The following PTK6 variants were observed in gnomAD, a reference collection of about 807,000 sequenced individuals.
PTK6 encodes protein tyrosine kinase 6, also known as protein-tyrosine kinase 6.
PTK6 carries 47 observed loss-of-function variants against 47.5 expected under a neutral mutation model. That is an observed-to-expected ratio of 0.99 (90% CI 0.78 to 1.26). PTK6 has a LOEUF of 1.26. Ranked by LOEUF, PTK6 falls within the 50% of genes most tolerant of loss-of-function variation. The pLI is 0.00. For synonymous variants in PTK6, 287 were observed against 276.5 expected (o/e 1.04, Z -0.38); for missense variants, 618 against 625.3 (o/e 0.99, Z 0.12).
In PTK6 at chr20:63,530,225, C is replaced by A; in HGVS notation, c.1021G>T (p.Val341Phe). The A allele has an allele frequency of 6.2e-7, 1 of 1,613,870 alleles. No individual in the cohort carries two copies. Residue 341 changes from valine (V) to phenylalanine (F), a missense_variant, in exon 7 of 8, where the codon GTC becomes TTC. Val to Phe is a conservative substitution (Grantham distance 50). Transcript: ENST00000542869. This position sits in a 1 kb window ranked among gnomAD's most constrained non-coding sequence, Gnocchi z 4.1. ...ATATTGTGGTCATGGGAGAGGTAGA[C>A]GTCCTCCTGCAATCAGCCTGGAGCT... is the stretch of plus-strand genomic sequence containing the variant. ...FGLARLIKEDVYLSHDHNIPY... is the reference protein window; with the variant it reads ...FGLARLIKEDFYLSHDHNIPY...
At chr20:63,531,399 C>T (rs1345212430) in intron 5 of PTK6, among the ~76,000 whole-genome samples, 21 of 122,462 alleles carry the variant, frequency 1.7e-4, no homozygotes, top group African/African-American at 6.0e-4. Flanking sequence ...CCAGCCTGGG[C>T]GACAGAGCCA....
Position 63,530,260 on chromosome 20 carries a change from G to C in PTK6, c.1015-29C>G. On this transcript the variant is annotated intron_variant, in intron 6 of 7. Coordinates refer to ENST00000542869, the MANE Select transcript of PTK6 (RefSeq NM_005975.4). This position sits in a 1 kb window ranked among gnomAD's most constrained non-coding sequence, Gnocchi z 4.1. Reference sequence around the variant, plus strand: ...CAATCAGCCTGGAGCTGAGTGGGCCGTGGGGGCTGCCTGTGCCCTGCCCCC... The same window carrying C: ...CAATCAGCCTGGAGCTGAGTGGGCCCTGGGGGCTGCCTGTGCCCTGCCCCC... 6.2e-7 allele frequency: 1 copy of C among 1,609,860 alleles called. No individual in the cohort carries two copies.
intron 4 of PTK6, 28 bp from the exon 5 acceptor site, chr20:63,532,715 G>A (rs759663982): frequency 6.2e-7 from 1 of 1,607,528 alleles, no homozygotes; most frequent in South Asian, 1.1e-5. Flanking sequence ...CTCGGTGGAT[G>A]CAGCCCCTGA....
chr20:63,534,842 T>C (rs310641), intron 2 of PTK6, 96 bp downstream of exon 2: 55,336 of 1,450,964 alleles, frequency 0.038, 4,402 homozygotes, highest in African/African-American at 0.33. Flanking sequence ...ATGTCCCCCG[T>C]CTCAGCCAGA....
intron 5 of PTK6, among the ~76,000 whole-genome samples, chr20:63,532,297 G>A (rs991821591): frequency 8.0e-6 from 1 of 124,600 alleles, no homozygotes; most frequent in Non-Finnish European, 1.5e-5. Context: ...GATGTGTCTT[G>A]TGTGTGTGTC....
intron 5 of PTK6, 113 bp downstream of exon 5, chr20:63,532,413 G>T (rs2082631879): frequency 1.5e-6 from 2 of 1,342,110 alleles, no homozygotes; most frequent in Non-Finnish European, 2.0e-6. Context: ...GTGTGTGTCT[G>T]TGTGTCTGTG....
At chr20:63,534,412 C>T in intron 2 of PTK6, 97 bp from the exon 3 acceptor site, 1 of 1,419,184 alleles carries the variant, frequency 7.0e-7, no homozygotes. Flanking sequence ...TTTCTGGGTC[C>T]CCACAGTTGC....
Position 63,530,067 on chromosome 20 carries a change from G to A in PTK6, c.1168+11C>T. ...CCTCTCATGCCCAGTCAGGGACAGT[G>A]GGGACAGTACCTGGGTAGGGCACCT... is the stretch of plus-strand genomic sequence containing the variant. On this transcript the variant is annotated intron_variant, in intron 7 of 7. Coordinates refer to ENST00000542869, the MANE Select transcript of PTK6 (RefSeq NM_005975.4). This position sits in a 1 kb window ranked among gnomAD's most constrained non-coding sequence, Gnocchi z 4.1. The A allele has an allele frequency of 6.2e-7, 1 of 1,613,266 alleles. No individual in the cohort carries two copies. The highest frequency in any genetic ancestry group is 8.5e-7 in the Non-Finnish European group (1 of 1,179,772).
chr20:63,531,834 C>A (rs2082624042), intron 5 of PTK6, among the ~76,000 whole-genome samples: 1 of 144,840 alleles, frequency 6.9e-6, no homozygotes. Context: ...TCCCGGAGGA[C>A]CCTGAAGGGC....
intron 5 of PTK6, 115 bp downstream of exon 5, chr20:63,532,407 GTGTC>G (rs1460943328): frequency 2.7e-5 from 35 of 1,276,852 alleles, no homozygotes; most frequent in East Asian, 4.7e-5. Flanking sequence ...GTGCATGTGT[GTGTC>G]TGTGTGTCTG....
In PTK6 at chr20:63,530,056, T is replaced by A; in HGVS notation, c.1168+22A>T. 1.2e-6 allele frequency: 2 copies of A among 1,612,584 alleles called. No individual in the cohort carries two copies. The highest frequency in any genetic ancestry group is 1.7e-6 in the Non-Finnish European group (2 of 1,179,460). ...CCCCCACTCTGCCTCTCATGCCCAGTCAGGGACAGTGGGGACAGTACCTGG... is the reference window on the plus strand; with the variant it reads ...CCCCCACTCTGCCTCTCATGCCCAGACAGGGACAGTGGGGACAGTACCTGG... On this transcript the variant is annotated intron_variant, in intron 7 of 7. Transcript: ENST00000542869. This position sits in a 1 kb window ranked among gnomAD's most constrained non-coding sequence, Gnocchi z 4.1.
chr20:63,535,082 C>A, intron 1 of PTK6, 23 bp from the exon 2 acceptor site: 1 of 1,579,738 alleles, frequency 6.3e-7, no homozygotes, highest in Non-Finnish European at 8.6e-7. Context: ...AGTCTGAGAA[C>A]ACGCGGACCT....
rs562656717 is a variant in PTK6 at position 63,528,053 on chromosome 20, T to G, written c.*1483A>C. The stretch of plus-strand genomic sequence containing the variant: ...TCGTGACACGGTTGGCAAGGAAACT[T>G]GGTTATTTCTGTGGCATGCAGCATT... On this transcript the variant is annotated 3_prime_UTR_variant, in exon 8 of 8. Coordinates refer to ENST00000542869, the MANE Select transcript of PTK6 (RefSeq NM_005975.4). The G allele has an allele frequency of 7.9e-4, 121 of 152,380 alleles. No homozygotes were observed. The highest frequency in any genetic ancestry group is 2.7e-3 in the African/African-American group (112 of 41,590). The allele number at this position is 152,380 out of a possible 1,614,324, so 9.4% of individuals were successfully genotyped here.
Position 63,534,984 on chromosome 20 carries a change from G to A in PTK6, c.306C>T (p.Phe102=), listed in dbSNP as rs780070371. Residue 102 remains phenylalanine (F), a synonymous_variant, in exon 2 of 8, where the codon TTC becomes TTT. Coordinates refer to ENST00000542869, the MANE Select transcript of PTK6 (RefSeq NM_005975.4). The part of the protein sequence containing the change: ...LQAEGNATGA[F]LIRVSEKPSA... ...TCGGCTTCTCGCTGACCCTGATCAG[G>A]AAGGCGCCCGTGGCGTTGCCCTCGG... The A allele has an allele frequency of 1.2e-6, 2 of 1,608,440 alleles. No individual in the cohort carries two copies. The highest frequency in any genetic ancestry group is 1.3e-5 in the African/African-American group (1 of 74,998).
Position 63,529,938 on chromosome 20 carries a change from G to A in PTK6, c.1168+140C>T, listed in dbSNP as rs939048120. On this transcript the variant is annotated intron_variant, in intron 7 of 7. Transcript: ENST00000542869. This position sits in a 1 kb window ranked among gnomAD's most constrained non-coding sequence, Gnocchi z 5.6. ...CACCAGCCTGGGTGCTCAGAGAATGGTGCAGGTGTGGAGTTCAGGCGATGG... is the reference window on the plus strand; with the variant it reads ...CACCAGCCTGGGTGCTCAGAGAATGATGCAGGTGTGGAGTTCAGGCGATGG... The A allele has an allele frequency of 8.4e-7, 1 of 1,183,652 alleles. No homozygotes were observed. The highest frequency in any genetic ancestry group is 2.5e-5 in the Admixed American group (1 of 40,174). The allele number at this position is 1,183,652 out of a possible 1,614,324, so 73.3% of individuals were successfully genotyped here. A position where few individuals can be genotyped will look rare whatever the true frequency, so the allele number is the denominator to read the frequency against.
Position 63,533,066 on chromosome 20 carries a change from C to CT in PTK6, c.671-380dup, listed in dbSNP as rs1232115785. Among the ~76,000 whole-genome samples, 925 of 149,234 alleles carry CT rather than the reference C, an allele frequency of 6.2e-3. 12 individuals are homozygous for CT. Among genetic ancestry groups the CT allele is most frequent in the African/African-American group, 0.022 (843 of 38,846 alleles). On this transcript the variant is annotated intron_variant, in intron 4 of 7. Transcript: ENST00000542869. The surrounding 1 kb of genome is among the most constrained non-coding windows in gnomAD (Gnocchi z 4.0). Reference sequence around the variant, plus strand: ...CAAGGATTTTAAATTTTCTTTCTTTCTTTCTTTTTTTTTTTTCCCAAGACG... The same window carrying CT: ...CAAGGATTTTAAATTTTCTTTCTTTCTTTTCTTTTTTTTTTTTCCCAAGACG...
At chr20:63,534,746 G>A (rs1021152709) in intron 2 of PTK6, 192 bp downstream of exon 2, 9 of 890,994 alleles carry the variant, frequency 1.0e-5, no homozygotes, top group Middle Eastern at 3.6e-4. Flanking sequence ...CCTGCCCCAC[G>A]ACTACCCTAG....
rs1451480937 is a variant in PTK6, at chr20:63,529,387, T to C, written c.*149A>G. 5.8e-5 allele frequency: 50 copies of C among 859,896 alleles called. No homozygotes were observed. Among genetic ancestry groups the C allele is most frequent in the Non-Finnish European group, 6.8e-5 (40 of 590,002 alleles). 53.3% of individuals were successfully genotyped at this position (859,896 alleles called of 1,614,324 possible). ...GTAAGGAGAGGAGCACACGCGTGTA[T>C]TGGACGCAGACACTCCACATTTGTG... On this transcript the variant is annotated 3_prime_UTR_variant, in exon 8 of 8. Coordinates refer to ENST00000542869, the MANE Select transcript of PTK6 (RefSeq NM_005975.4). The surrounding 1 kb of genome is among the most constrained non-coding windows in gnomAD (Gnocchi z 5.6).
Position 63,532,572 on chromosome 20 carries a change from G to A in PTK6, c.786C>T (p.Ile262=), listed in dbSNP as rs1466619451. Residue 262 remains isoleucine (I), a synonymous_variant, in exon 5 of 8, where the codon ATC becomes ATT. Coordinates refer to ENST00000542869, the MANE Select transcript of PTK6 (RefSeq NM_005975.4). ...TGCCCTTGGCCATGAGCTCCGTGAT[G>A]ATGTACACGGGGTCCCCCACGGACA... The part of the protein sequence containing the change: ...AVVSVGDPVY[I]ITELMAKGSL... 8 of 1,613,834 alleles carry A rather than the reference G, an allele frequency of 5.0e-6. No homozygotes were observed. Among genetic ancestry groups the A allele is most frequent in the African/African-American group, 4.0e-5 (3 of 74,954 alleles).
Sources: allele counts gnomAD v4.1 joint callset (sites outside exome capture counted in the v4.1 genomes callset), GRCh38; gene constraint gnomAD v4.1.1; non-coding constraint Gnocchi (gnomAD v3.1); transcripts MANE v1.5; gene names NCBI Gene and HGNC (gene_info 2026-07-23, HGNC 2026-07-21).